Variants in TNPO1 observed in about 807,000 individuals in gnomAD.
The protein encoded by TNPO1 is transportin-1.
TNPO1 carries 8 observed loss-of-function variants against 119.5 expected under a neutral mutation model. The ratio of observed to expected loss-of-function variants is 0.07; its 90% CI spans 0.04 to 0.12. The LOEUF (loss-of-function observed/expected upper bound fraction) is 0.12, where lower values mean the gene tolerates loss of function less well. Ranked by LOEUF, TNPO1 falls within the 10% of genes least tolerant of loss-of-function variation. The pLI, the probability that TNPO1 is intolerant of heterozygous loss-of-function variation, is 1.00. For missense variants in TNPO1, 576 were observed against 1,089.8 expected (o/e 0.53, Z 6.64); for synonymous variants, 362 against 363.0 (o/e 1.00, Z 0.03).
rs759873612 is a variant in TNPO1, at chr5:72,912,726, A to T, written c.*4053A>T. ...AAATTTTTCTCCCCTATATAAAATT[A>T]TTCTGCCTAGCAGAAATGCCAGAAA... On this transcript the variant is annotated 3_prime_UTR_variant, in exon 25 of 25. Coordinates refer to ENST00000337273, the MANE Select transcript of TNPO1 (RefSeq NM_002270.4). The T allele has an allele frequency of 4.3e-4, 66 of 152,522 alleles. No individual in the cohort carries two copies. The highest frequency in any genetic ancestry group is 1.6e-3 in the African/African-American group (65 of 41,574). The allele number at this position is 152,522 out of a possible 1,614,324, so 9.4% of individuals were successfully genotyped here.
intron 5 of TNPO1, among the ~76,000 whole-genome samples, chr5:72,865,223 G>C (rs531247834): frequency 6.6e-6 from 1 of 152,034 alleles, no homozygotes; most frequent in South Asian, 2.1e-4. Flanking sequence ...AGGCGGACCA[G>C]CTGAGGTCAG....
At chr5:72,886,520 A>C (rs903416520) in intron 11 of TNPO1, among the ~76,000 whole-genome samples, 1 of 152,250 alleles carries the variant, frequency 6.6e-6, no homozygotes, top group Non-Finnish European at 1.5e-5. Context: ...ACAGAATTCT[A>C]GTATGACAGT....
intron 1 of TNPO1, among the ~76,000 whole-genome samples, chr5:72,824,776 A>G (rs1744129552): frequency 6.7e-6 from 1 of 149,688 alleles, no homozygotes; most frequent in Admixed American, 6.6e-5. Flanking sequence ...AAATATCAAC[A>G]ATACCCAAAT....
At chr5:72,877,183 G>C (rs994477177) in intron 8 of TNPO1, 45 bp from the exon 9 acceptor site, 1 of 1,059,074 alleles carries the variant, frequency 9.4e-7, no homozygotes, top group Non-Finnish European at 1.4e-6. Flanking sequence ...GATACTAATG[G>C]TGTGATTTTT....
chr5:72,883,921 T>G (rs1002755567), intron 11 of TNPO1, among the ~76,000 whole-genome samples: 7 of 151,838 alleles, frequency 4.6e-5, no homozygotes, highest in Non-Finnish European at 1.0e-4. Context: ...AATTTTTGTT[T>G]TTTTTTTTTT....
intron 1 of TNPO1, among the ~76,000 whole-genome samples, chr5:72,840,487 G>T (rs1263556516): frequency 6.6e-6 from 1 of 152,090 alleles, no homozygotes. Context: ...ACACAGGTTT[G>T]GTTTTGAATG....
intron 1 of TNPO1, among the ~76,000 whole-genome samples, chr5:72,837,344 G>A (rs1205719702): frequency 6.6e-6 from 1 of 151,576 alleles, no homozygotes; most frequent in Admixed American, 6.6e-5. Context: ...CATGGAGGAA[G>A]GAACAAACAC....
At chr5:72,841,356 C>T (rs1276790842) in intron 1 of TNPO1, among the ~76,000 whole-genome samples, 8 of 151,942 alleles carry the variant, frequency 5.3e-5, no homozygotes, top group East Asian at 1.9e-4. Flanking sequence ...TGACCTCAGG[C>T]GATCCACCCG....
intron 1 of TNPO1, among the ~76,000 whole-genome samples, chr5:72,841,068 A>AT (rs1280088987): frequency 6.8e-6 from 1 of 146,066 alleles, no homozygotes. Flanking sequence ...TTAGTTTTGC[A>AT]TTTTTTTCTC....
At chr5:72,888,803 T>TA (rs1554054402) in intron 13 of TNPO1, among the ~76,000 whole-genome samples, 1 of 152,204 alleles carries the variant, frequency 6.6e-6, no homozygotes, top group Non-Finnish European at 1.5e-5. Flanking sequence ...GTCTGTCACT[T>TA]ACCAGTTAAA....
chr5:72,887,621 G>C (rs1470136232), intron 12 of TNPO1, among the ~76,000 whole-genome samples: 4 of 152,214 alleles, frequency 2.6e-5, no homozygotes, highest in African/African-American at 9.7e-5. Context: ...GGAAGTGGTA[G>C]TTGCAGTGAG....
At chr5:72,871,290 T>C (rs1747381109) in intron 6 of TNPO1, among the ~76,000 whole-genome samples, 1 of 152,164 alleles carries the variant, frequency 6.6e-6, no homozygotes, top group Non-Finnish European at 1.5e-5. Flanking sequence ...AGTAGTTTTA[T>C]AGAATGAGAA....
intron 3 of TNPO1, among the ~76,000 whole-genome samples, chr5:72,853,659 A>T (rs1364549335): frequency 2.7e-4 from 40 of 148,664 alleles, no homozygotes; most frequent in Admixed American, 2.7e-4. Flanking sequence ...GTGTTTATGC[A>T]TTTTTTTTTT....
intron 1 of TNPO1, among the ~76,000 whole-genome samples, chr5:72,820,268 T>C (rs1370937049): frequency 5.3e-5 from 8 of 152,232 alleles, no homozygotes; most frequent in African/African-American, 1.9e-4. Context: ...CAAAAATCAA[T>C]TTCTGCATTC....
At chr5:72,871,858 C>T (rs972021187) in intron 6 of TNPO1, 4 of 152,120 alleles carry the variant, frequency 2.6e-5, no homozygotes, top group African/African-American at 9.7e-5. Context: ...AACTATGTCC[C>T]ATGGAGCCAA....
intron 1 of TNPO1, among the ~76,000 whole-genome samples, chr5:72,820,908 C>T (rs1012230177): frequency 2.0e-5 from 3 of 152,080 alleles, no homozygotes; most frequent in South Asian, 2.1e-4. Context: ...TATATAAAAC[C>T]GGGTTCTAAA....
Position 72,832,224 on chromosome 5 carries a change from A to G in TNPO1, c.15+15472A>G, listed in dbSNP as rs138928353. ...CCATCAGTAATTTGTTAAAAGTTGA[A>G]TCATCATCTCCTCAGCAGCATAGGA... On this transcript the variant is annotated intron_variant, in intron 1 of 24. Coordinates refer to ENST00000337273, the MANE Select transcript of TNPO1 (RefSeq NM_002270.4). 3.7e-3 allele frequency among the ~76,000 whole-genome samples: 558 copies of G among 152,264 alleles called. 1 individual carries two copies. The highest frequency in any genetic ancestry group is 0.013 in the African/African-American group (526 of 41,584).
chr5:72,872,539 ACATAT>A (rs576017869), intron 6 of TNPO1, 95 bp from the exon 7 acceptor site: 191 of 716,512 alleles, frequency 2.7e-4, no homozygotes, highest in Non-Finnish European at 3.9e-4. Flanking sequence ...ATATTGATAG[ACATAT>A]CATAATATTT....
At chr5:72,874,568 T>A (rs266432) in intron 7 of TNPO1, among the ~76,000 whole-genome samples, 22,125 of 152,236 alleles carry the variant, frequency 0.15, 1,805 homozygotes, top group East Asian at 0.3. Context: ...CTCTTTTGTA[T>A]GTAAAATACA....
Sources: allele counts gnomAD v4.1 joint callset (sites outside exome capture counted in the v4.1 genomes callset), GRCh38; gene constraint gnomAD v4.1.1; transcripts MANE v1.5; gene names NCBI Gene and HGNC (gene_info 2026-07-23, HGNC 2026-07-21).